The following CFAP95 variants were observed in gnomAD, a reference collection of about 807,000 sequenced individuals.
The protein encoded by CFAP95 is cilia and flagella associated protein 95, also known as cilia- and flagella-associated protein 95.
At chr9:69,901,284 C>T in the CFAP95 span, among the ~76,000 whole-genome samples, 1 of 151,980 alleles carries the variant, frequency 6.6e-6, no homozygotes, top group African/African-American at 2.4e-5. Flanking sequence ...AATACAGGTG[C>T]CCGCCACTAC....
chr9:69,840,728 A>G, the CFAP95 span, among the ~76,000 whole-genome samples: 33 of 152,326 alleles, frequency 2.2e-4, no homozygotes, highest in African/African-American at 7.9e-4. Context: ...TATACATTTT[A>G]TAATTTTTAA....
the CFAP95 span, among the ~76,000 whole-genome samples, chr9:69,871,552 A>T: frequency 6.6e-6 from 1 of 151,716 alleles, no homozygotes; most frequent in South Asian, 2.1e-4. Flanking sequence ...GAGGGGGAGA[A>T]GGGTGCAGAT....
the CFAP95 span, among the ~76,000 whole-genome samples, chr9:69,891,776 G>A: frequency 1.3e-5 from 2 of 151,862 alleles, no homozygotes; most frequent in East Asian, 3.9e-4. Flanking sequence ...ACCTATTTTT[G>A]ACTGCGTTAC....
chr9:69,896,590 A>G, the CFAP95 span, among the ~76,000 whole-genome samples: 1 of 152,212 alleles, frequency 6.6e-6, no homozygotes, highest in Non-Finnish European at 1.5e-5. Context: ...CCCTCCTAAA[A>G]CTTTATCAAA....
chr9:69,841,195 T>TATATATATATATATA, the CFAP95 span, among the ~76,000 whole-genome samples: 1 of 136,346 alleles, frequency 7.3e-6, no homozygotes, highest in Non-Finnish European at 1.6e-5. Flanking sequence ...TATATATATA[T>TATATATATATATATA]ATTTCTGATT....
chr9:69,836,887 C>CA, the CFAP95 span, among the ~76,000 whole-genome samples: 1 of 147,528 alleles, frequency 6.8e-6, no homozygotes. Flanking sequence ...CGCCTCCCCC[C>CA]ACCCCACAAC....
the CFAP95 span, among the ~76,000 whole-genome samples, chr9:69,855,172 G>A: frequency 6.6e-6 from 1 of 152,114 alleles, no homozygotes; most frequent in Non-Finnish European, 1.5e-5. Context: ...ACATTGTCTG[G>A]CACAGAATAA....
chr9:69,858,610 C>A, the CFAP95 span, among the ~76,000 whole-genome samples: 1 of 152,034 alleles, frequency 6.6e-6, no homozygotes, highest in Non-Finnish European at 1.5e-5. Flanking sequence ...GGTGATAAAT[C>A]AAAAAATAAG....
At chr9:69,866,045 T>C in the CFAP95 span, among the ~76,000 whole-genome samples, 1 of 152,170 alleles carries the variant, frequency 6.6e-6, no homozygotes, top group Non-Finnish European at 1.5e-5. Context: ...GATAGTTTAA[T>C]ACCAAAGCTC....
At chr9:69,864,825 G>A in the CFAP95 span, among the ~76,000 whole-genome samples, 1 of 152,150 alleles carries the variant, frequency 6.6e-6, no homozygotes, top group Non-Finnish European at 1.5e-5. Context: ...TCAAAGTACA[G>A]TACAGGACAT....
chr9:69,891,082 G>A, the CFAP95 span, among the ~76,000 whole-genome samples: 6 of 152,170 alleles, frequency 3.9e-5, no homozygotes, highest in Non-Finnish European at 7.4e-5. Flanking sequence ...TGGAAAGAAG[G>A]TACATTAGAG....
At chr9:69,886,439 G>C in the CFAP95 span, among the ~76,000 whole-genome samples, 12 of 152,194 alleles carry the variant, frequency 7.9e-5, no homozygotes, top group African/African-American at 2.9e-4. Flanking sequence ...TAGTTTTGCT[G>C]TTGTATCTCA....
the CFAP95 span, among the ~76,000 whole-genome samples, chr9:69,863,277 G>A: frequency 6.6e-6 from 1 of 152,232 alleles, no homozygotes; most frequent in East Asian, 1.9e-4. Flanking sequence ...GTCTCAAACT[G>A]TTAATAATAC....
chr9:69,867,403 A>C, the CFAP95 span, among the ~76,000 whole-genome samples: 1 of 152,206 alleles, frequency 6.6e-6, no homozygotes. Flanking sequence ...TATATCTGCC[A>C]AGTGGAAAGT....
At chr9:69,830,275 C>T in the CFAP95 span, among the ~76,000 whole-genome samples, 1 of 152,312 alleles carries the variant, frequency 6.6e-6, no homozygotes, top group Non-Finnish European at 1.5e-5. Flanking sequence ...TTGGAGTCAT[C>T]TGGCTAGGCA....
the CFAP95 span, chr9:69,857,877 A>G: frequency 1.2e-5 from 20 of 1,602,562 alleles, no homozygotes; most frequent in Admixed American, 1.5e-4. Context: ...ACACTCTAAC[A>G]AGTTTTCTAA....
chr9:69,904,020 G>A, the CFAP95 span, among the ~76,000 whole-genome samples: 2 of 152,096 alleles, frequency 1.3e-5, no homozygotes, highest in Admixed American at 6.5e-5. Context: ...CTCTGTGCCC[G>A]GCCCATTCTT....
the CFAP95 span, among the ~76,000 whole-genome samples, chr9:69,834,928 A>G: frequency 1.3e-5 from 2 of 152,240 alleles, no homozygotes; most frequent in Non-Finnish European, 2.9e-5. Context: ...GTCTTCATTT[A>G]TCAGTTTGAG....
chr9:69,830,824 A>C, the CFAP95 span, among the ~76,000 whole-genome samples: 1 of 151,882 alleles, frequency 6.6e-6, no homozygotes, highest in Admixed American at 6.6e-5. Flanking sequence ...ATTTTAAAAA[A>C]CTTTTTTTTT....
Sources: allele counts gnomAD v4.1 joint callset (sites outside exome capture counted in the v4.1 genomes callset), GRCh38; gene constraint gnomAD v4.1.1; transcripts MANE v1.5; gene names NCBI Gene and HGNC (gene_info 2026-07-23, HGNC 2026-07-21).